The following NRG3 variants were observed in gnomAD, a reference collection of about 807,000 sequenced individuals.
The protein encoded by NRG3 is pro-neuregulin-3, membrane-bound isoform.
NRG3 carries 31 observed loss-of-function variants against 66.9 expected under a neutral mutation model. The ratio of observed to expected loss-of-function variants is 0.46; its 90% CI spans 0.35 to 0.63. The LOEUF (loss-of-function observed/expected upper bound fraction) is 0.63, where lower values mean the gene tolerates loss of function less well. NRG3 is among the 20% of genes least tolerant of loss of function. The pLI, the probability that NRG3 is intolerant of heterozygous loss-of-function variation, is 0.00. For missense variants in NRG3, 910 were observed against 878.9 expected (o/e 1.04, Z -0.45); for synonymous variants, 393 against 359.4 (o/e 1.09, Z -1.06).
chr10:82,872,530 G>C (rs1841430851), intron 4 of NRG3, among the ~76,000 whole-genome samples: 1 of 152,018 alleles, frequency 6.6e-6, no homozygotes, highest in African/African-American at 2.4e-5. Flanking sequence ...GAAACTCCAA[G>C]TCATATGCTG....
intron 1 of NRG3, among the ~76,000 whole-genome samples, chr10:82,298,657 C>T (rs2080217518): frequency 6.6e-6 from 1 of 152,096 alleles, no homozygotes; most frequent in Non-Finnish European, 1.5e-5. Context: ...AACCTTACCT[C>T]TTGCTAGTAT....
At chr10:82,080,661 A>G (rs1182427701) in intron 1 of NRG3, among the ~76,000 whole-genome samples, 2 of 152,052 alleles carry the variant, frequency 1.3e-5, no homozygotes, top group African/African-American at 4.8e-5. Flanking sequence ...AGGAAGACCA[A>G]TTTCTGATTT....
intron 3 of NRG3, among the ~76,000 whole-genome samples, chr10:82,833,014 A>G (rs1184970015): frequency 6.6e-6 from 1 of 152,032 alleles, no homozygotes; most frequent in African/African-American, 2.4e-5. Flanking sequence ...AGCTGTTTCC[A>G]TGGACCTTGC....
intron 2 of NRG3, among the ~76,000 whole-genome samples, chr10:82,484,758 T>C (rs182002745): frequency 2.0e-5 from 3 of 152,330 alleles, no homozygotes; most frequent in South Asian, 4.1e-4. Flanking sequence ...ACATTCCTAG[T>C]ACAGTCACAA....
intron 1 of NRG3, among the ~76,000 whole-genome samples, chr10:81,961,370 T>G (rs1850338591): frequency 6.6e-6 from 1 of 152,234 alleles, no homozygotes; most frequent in South Asian, 2.1e-4. Flanking sequence ...AGTATCACAT[T>G]GTAGACACCT....
intron 4 of NRG3, among the ~76,000 whole-genome samples, chr10:82,898,701 G>A (rs909126400): frequency 2.7e-5 from 4 of 150,370 alleles, no homozygotes; most frequent in Admixed American, 2.7e-4. Context: ...TGAATAGAAG[G>A]CCAGGAGTTT....
At chr10:82,821,102 T>C (rs1282226450) in intron 3 of NRG3, among the ~76,000 whole-genome samples, 1 of 152,216 alleles carries the variant, frequency 6.6e-6, no homozygotes, top group African/African-American at 2.4e-5. Flanking sequence ...ATCCATTTCA[T>C]GACCTTGTTT....
At chr10:82,133,157 T>G (rs1288003860) in intron 1 of NRG3, among the ~76,000 whole-genome samples, 1 of 149,370 alleles carries the variant, frequency 6.7e-6, no homozygotes, top group Non-Finnish European at 1.5e-5. Context: ...TTAAGTTGTT[T>G]ATTTGAAATT....
chr10:82,678,306 G>T (rs865970210), intron 2 of NRG3, among the ~76,000 whole-genome samples: 5 of 152,120 alleles, frequency 3.3e-5, no homozygotes, highest in South Asian at 2.1e-4. Context: ...GGGAGATAGG[G>T]GTGGGACCGT....
At chr10:82,848,777 A>G (rs1316010533) in intron 3 of NRG3, among the ~76,000 whole-genome samples, 1 of 152,120 alleles carries the variant, frequency 6.6e-6, no homozygotes, top group Non-Finnish European at 1.5e-5. Flanking sequence ...GGGTTTTCCC[A>G]TGCTGTTCTC....
intron 2 of NRG3, among the ~76,000 whole-genome samples, chr10:82,531,885 C>T (rs781339226): frequency 6.6e-5 from 10 of 151,846 alleles, no homozygotes; most frequent in Non-Finnish European, 1.5e-4. Context: ...CACTGTTGTA[C>T]AGCAGTTCTC....
At chr10:82,750,180 G>T (rs2058806554) in intron 3 of NRG3, among the ~76,000 whole-genome samples, 1 of 152,168 alleles carries the variant, frequency 6.6e-6, no homozygotes, top group African/African-American at 2.4e-5. Context: ...TGACACTGAT[G>T]TTAGGAGACA....
chr10:82,176,242 C>T (rs1240624021), intron 1 of NRG3, among the ~76,000 whole-genome samples: 1 of 152,110 alleles, frequency 6.6e-6, no homozygotes, highest in Non-Finnish European at 1.5e-5. Context: ...GAAATGTAAC[C>T]TTATATGAAA....
Position 82,510,871 on chromosome 10 carries a change from G to A in NRG3, c.953+152003G>A, listed in dbSNP as rs554157566. Among the ~76,000 whole-genome samples the A allele has an allele frequency of 1.0e-3, 154 of 152,244 alleles. 1 individual carries two copies. The highest frequency in any genetic ancestry group is 3.3e-3 in the African/African-American group (139 of 41,564). On this transcript the variant is annotated intron_variant, in intron 2 of 8. Coordinates refer to ENST00000372141, the MANE Select transcript of NRG3 (RefSeq NM_001010848.4). ...TGGAAAAGAACAGAAAATAAATAAA[G>A]GGTAAAGACAGGACAGGGACCTAAA... is the stretch of plus-strand genomic sequence containing the variant.
intron 2 of NRG3, among the ~76,000 whole-genome samples, chr10:82,550,341 A>ATAGTTC (rs2044223753): frequency 6.6e-6 from 1 of 152,158 alleles, no homozygotes; most frequent in Non-Finnish European, 1.5e-5. Context: ...TCAGCAAGGG[A>ATAGTTC]AGTCGGGATA....
chr10:82,626,837 A>G (rs1440713587), intron 2 of NRG3, among the ~76,000 whole-genome samples: 1 of 152,088 alleles, frequency 6.6e-6, no homozygotes, highest in Non-Finnish European at 1.5e-5. Flanking sequence ...GGTTCTGCCA[A>G]TACTGAGTTT....
rs1014686735 is a variant in NRG3 at position 82,369,549 on chromosome 10, C to T, written c.953+10681C>T. Among the ~76,000 whole-genome samples the T allele has an allele frequency of 7.2e-5, 10 of 138,234 alleles. 2 individuals are homozygous for T. The highest frequency in any genetic ancestry group is 1.3e-4 in the African/African-American group (4 of 29,692). 90.7% of individuals were successfully genotyped at this position (138,234 alleles called of 152,430 possible). A position where few individuals can be genotyped will look rare whatever the true frequency, so the allele number is the denominator to read the frequency against. On this transcript the variant is annotated intron_variant, in intron 2 of 8. Coordinates refer to ENST00000372141, the MANE Select transcript of NRG3 (RefSeq NM_001010848.4). ...TCCTGGCCACAAGTGATCCTCCTTC[C>T]TTGGCTTCCCAAAGTGCTGGGATTA...
intron 4 of NRG3, among the ~76,000 whole-genome samples, chr10:82,892,977 A>T (rs1246781611): frequency 6.6e-6 from 1 of 152,124 alleles, no homozygotes; most frequent in Admixed American, 6.5e-5. Context: ...TAACTATGAA[A>T]TTGATAGAAT....
chr10:82,644,265 T>A (rs1444392319), intron 2 of NRG3, among the ~76,000 whole-genome samples: 1 of 152,120 alleles, frequency 6.6e-6, no homozygotes, highest in East Asian at 1.9e-4. Context: ...CATGCAGGAA[T>A]GGGATGCTTC....
Sources: gnomAD v4.1 joint callset for allele counts (sites outside exome capture counted in the v4.1 genomes callset) on GRCh38, gnomAD v4.1.1 for gene constraint, MANE v1.5 for transcripts, NCBI Gene and HGNC (gene_info 2026-07-23, HGNC 2026-07-21) for gene names.